The following CASD1 variants were observed in gnomAD, a reference collection of about 807,000 sequenced individuals.
CASD1 encodes the protein N-acetylneuraminate (7)9-O-acetyltransferase.
CASD1 carries 41 observed loss-of-function variants against 100.0 expected under a neutral mutation model. The ratio of observed to expected loss-of-function variants is 0.41; its 90% CI spans 0.32 to 0.53. CASD1 has a LOEUF of 0.53. Ranked by LOEUF, CASD1 falls within the 20% of genes least tolerant of loss-of-function variation. The pLI, the probability that CASD1 is intolerant of heterozygous loss-of-function variation, is 0.25. For synonymous variants in CASD1, 321 were observed against 315.6 expected (o/e 1.02, Z -0.18); for missense variants, 774 against 948.7 (o/e 0.82, Z 2.42).
the CASD1 span, chr7:94,628,006 C>A: frequency 2.0e-6 from 1 of 511,996 alleles, no homozygotes; most frequent in Non-Finnish European, 3.5e-6. Flanking sequence ...AATATAAAAG[C>A]TGAAACAAAA....
chr7:94,598,515 T>C, the CASD1 span: 7 of 443,710 alleles, frequency 1.6e-5, no homozygotes, highest in South Asian at 2.6e-5. Context: ...TAATGTTGAG[T>C]TTAATATCAG....
chr7:94,551,647 C>A, intron 15 of CASD1, 169 bp downstream of exon 15: 1 of 272,070 alleles, frequency 3.7e-6, no homozygotes, highest in Non-Finnish European at 6.6e-6. Context: ...GATAGCTAGA[C>A]AAATTTAGTA....
At chr7:94,629,975 G>A in the CASD1 span, 4 of 959,558 alleles carry the variant, frequency 4.2e-6, no homozygotes, top group Admixed American at 2.5e-5. Flanking sequence ...CAACATGCAA[G>A]GAAACTGTTA....
At chr7:94,596,857 A>T in the CASD1 span, among the ~76,000 whole-genome samples, 1 of 152,108 alleles carries the variant, frequency 6.6e-6, no homozygotes, top group African/African-American at 2.4e-5. Flanking sequence ...ATCTGTCAAC[A>T]TTTCACTGGC....
the CASD1 span, among the ~76,000 whole-genome samples, chr7:94,571,854 C>G: frequency 7.3e-6 from 1 of 137,726 alleles, no homozygotes; most frequent in Non-Finnish European, 1.5e-5. Context: ...GACTGTACAA[C>G]CTTTTACTAA....
chr7:94,629,982 G>T, the CASD1 span: 1 of 893,580 alleles, frequency 1.1e-6, no homozygotes, highest in Non-Finnish European at 1.7e-6. Flanking sequence ...CAAGGAAACT[G>T]TTAATAACAA....
intron 7 of CASD1, 43 bp from the exon 8 acceptor site, chr7:94,535,266 G>A (rs777103468): frequency 6.9e-7 from 1 of 1,440,544 alleles, no homozygotes; most frequent in South Asian, 1.2e-5. Flanking sequence ...TTTACCAATA[G>A]GGATTTTTAA....
At chr7:94,539,154 C>A in intron 10 of CASD1, 98 bp downstream of exon 10, 2 of 529,742 alleles carry the variant, frequency 3.8e-6, no homozygotes, top group East Asian at 3.2e-5. Context: ...TAATCTCTAC[C>A]AGTTATAGAC....
the CASD1 span, chr7:94,621,890 A>C: frequency 6.6e-6 from 1 of 152,216 alleles, no homozygotes; most frequent in Non-Finnish European, 1.5e-5. Context: ...GGGAGTCTTC[A>C]GTCCAGGCCC....
chr7:94,510,234 C>T lies in CASD1; in HGVS notation c.133+17C>T. On this transcript the variant is annotated intron_variant, in intron 1 of 17. Transcript: ENST00000297273. ...GCTACCGAGGTGAGCGGGCCCTCCC[C>T]TCTGCCCGGGCAGGCCGTGGGGGAG... is the stretch of plus-strand genomic sequence containing the variant. 1 of 1,469,716 alleles carries T rather than the reference C, an allele frequency of 6.8e-7. No individual in the cohort carries two copies. The allele number at this position is 1,469,716 out of a possible 1,614,324, so 91.0% of individuals were successfully genotyped here. A position where few individuals can be genotyped will look rare whatever the true frequency, so the allele number is the denominator to read the frequency against.
At chr7:94,520,298 A>G (rs927871598) in intron 3 of CASD1, among the ~76,000 whole-genome samples, 6 of 152,186 alleles carry the variant, frequency 3.9e-5, no homozygotes, top group Non-Finnish European at 7.3e-5. Flanking sequence ...AAAGCTTACT[A>G]CTTTTATTTA....
At chr7:94,513,176 A>T (rs1031255422) in intron 1 of CASD1, among the ~76,000 whole-genome samples, 1 of 151,540 alleles carries the variant, frequency 6.6e-6, no homozygotes, top group Non-Finnish European at 1.5e-5. Context: ...TTCTTCTTCA[A>T]TTAGCTGGGC....
intron 1 of CASD1, among the ~76,000 whole-genome samples, chr7:94,512,423 G>C (rs1397148631): frequency 6.6e-6 from 1 of 152,200 alleles, no homozygotes; most frequent in African/African-American, 2.4e-5. Context: ...CTGTGTATTT[G>C]GATTTTGAAT....
chr7:94,571,987 G>A, the CASD1 span, among the ~76,000 whole-genome samples: 4 of 152,180 alleles, frequency 2.6e-5, no homozygotes, highest in African/African-American at 9.7e-5. Flanking sequence ...TAGAAGTGGT[G>A]TCCCTCAGCA....
At chr7:94,521,157 C>T (rs1192014764) in intron 3 of CASD1, among the ~76,000 whole-genome samples, 1 of 151,912 alleles carries the variant, frequency 6.6e-6, no homozygotes, top group African/African-American at 2.4e-5. Flanking sequence ...AATTGTATAC[C>T]TGGGGTTAAA....
chr7:94,601,579 T>G, the CASD1 span, among the ~76,000 whole-genome samples: 1 of 150,720 alleles, frequency 6.6e-6, no homozygotes, highest in Non-Finnish European at 1.5e-5. Flanking sequence ...ACACTAAAAA[T>G]ATAGCCATGT....
rs74893610 is a variant in CASD1 at position 94,538,007 on chromosome 7, G to A, written c.1266+113G>A. The A allele has an allele frequency of 3.7e-3, 2,392 of 642,096 alleles. 42 individuals are homozygous for A. In the African/African-American group the frequency reaches 0.04, roughly 11 times the overall value. 39.8% of individuals were successfully genotyped at this position (642,096 alleles called of 1,614,324 possible). A position where few individuals can be genotyped will look rare whatever the true frequency, so the allele number is the denominator to read the frequency against. ...AAAATACACAAACAGGTATAGAGAT[G>A]AAGATGAAGGAAGATTGTAGTTACA... On this transcript the variant is annotated intron_variant, in intron 9 of 17. Coordinates refer to ENST00000297273, the MANE Select transcript of CASD1 (RefSeq NM_022900.5).
chr7:94,510,715 G>C (rs1419958320), intron 1 of CASD1, among the ~76,000 whole-genome samples: 1 of 152,240 alleles, frequency 6.6e-6, no homozygotes, highest in East Asian at 1.9e-4. Context: ...CCTCTGCCCT[G>C]TAACACCCAG....
At chr7:94,592,673 G>A in the CASD1 span, among the ~76,000 whole-genome samples, 4 of 151,980 alleles carry the variant, frequency 2.6e-5, no homozygotes, top group Admixed American at 6.6e-5. Context: ...GTGAGTTGGG[G>A]GGAGTACACA....
Sources: allele counts gnomAD v4.1 joint callset (sites outside exome capture counted in the v4.1 genomes callset), GRCh38; gene constraint gnomAD v4.1.1; transcripts MANE v1.5; gene names NCBI Gene and HGNC (gene_info 2026-07-23, HGNC 2026-07-21).